The following EMID1 variants were observed in gnomAD, a reference collection of about 807,000 sequenced individuals.
EMID1 encodes EMI domain-containing protein 1.
A neutral mutation model predicts 60.6 loss-of-function variants in EMID1; 40 were observed. That is an observed-to-expected ratio of 0.66 (90% confidence interval 0.51 to 0.86). The LOEUF is 0.86. Ranked by LOEUF, EMID1 falls within the 40% of genes least tolerant of loss-of-function variation. The pLI, the probability that EMID1 is intolerant of heterozygous loss-of-function variation, is 0.00. For synonymous variants in EMID1, 242 were observed against 231.0 expected, an observed-to-expected ratio of 1.05 and a Z score of -0.43; for missense variants, 585 against 597.1, an observed-to-expected ratio of 0.98 and a Z score of 0.21.
intron 13 of EMID1, 142 bp downstream of exon 13, chr22:29,243,631 T>G: frequency 2.0e-6 from 2 of 1,014,406 alleles, no homozygotes; most frequent in Non-Finnish European, 3.0e-6. Context: ...GCAGGAGCCT[T>G]GGCAATTATC....
Position 29,234,294 on chromosome 22 carries a change from C to G in EMID1, c.1030-11C>G, listed in dbSNP as rs1292852019. 6 of 1,613,828 alleles carry G rather than the reference C, an allele frequency of 3.7e-6. No individual in the cohort carries two copies. The highest frequency in any genetic ancestry group is 1.3e-5 in the African/African-American group (1 of 74,936). On this transcript the variant is annotated splice_polypyrimidine_tract_variant and intron_variant, in intron 11 of 14. Transcript: ENST00000334018. ...ACAGCTGACGCCATTCGTCTCCTCCCTCTTACACAGGGACTGCGTGGGGAG... is the reference window on the plus strand; with the variant it reads ...ACAGCTGACGCCATTCGTCTCCTCCGTCTTACACAGGGACTGCGTGGGGAG...
intron 3 of EMID1, among the ~76,000 whole-genome samples, chr22:29,215,915 G>A (rs940429912): frequency 1.3e-5 from 2 of 152,138 alleles, no homozygotes; most frequent in Admixed American, 1.3e-4. Context: ...CTCCACACTC[G>A]GGGAAAACCC....
At chr22:29,249,094 C>T (rs554721589) in intron 13 of EMID1, among the ~76,000 whole-genome samples, 3 of 152,188 alleles carry the variant, frequency 2.0e-5, no homozygotes, top group South Asian at 2.1e-4. Context: ...CAGTGTGCAC[C>T]GTGAATGAAT....
intron 1 of EMID1, among the ~76,000 whole-genome samples, chr22:29,207,964 G>T (rs2039737557): frequency 6.6e-6 from 1 of 152,204 alleles, no homozygotes; most frequent in African/African-American, 2.4e-5. Context: ...GCTCTTACAG[G>T]CTTGATGTGT....
At position 29,225,207 on chromosome 22, in the gene EMID1, G is replaced by T. The variant is rs1298012455; in HGVS notation, c.394G>T (p.Ala132Ser). 1 of 1,613,724 alleles carries T rather than the reference G, an allele frequency of 6.2e-7. No individual in the cohort carries two copies. Among genetic ancestry groups the T allele is most frequent in the African/African-American group, 1.3e-5 (1 of 75,062 alleles). Reference protein sequence around the residue: ...TMRRMALRPTAFSGCLNCSKV... With the variant: ...TMRRMALRPTSFSGCLNCSKV... ...GCGGCGGATGGCGCTTCGGCCCACA[G>T]CCTTCTCAGGTGGGTCCTGGGATAG... The change falls in exon 4 of 15, where the codon GCC (alanine) becomes TCC (serine). Residue 132 changes from alanine (A) to serine (S), a missense_variant. Coordinates refer to ENST00000334018, the MANE Select transcript of EMID1 (RefSeq NM_133455.4).
intron 12 of EMID1, among the ~76,000 whole-genome samples, chr22:29,238,243 G>T (rs1382054663): frequency 7.9e-6 from 1 of 127,206 alleles, no homozygotes; most frequent in Admixed American, 8.1e-5. Flanking sequence ...ATTCTCTGAA[G>T]TTTTTCTAAA....
intron 3 of EMID1, among the ~76,000 whole-genome samples, chr22:29,224,440 C>T (rs866278030): frequency 1.3e-5 from 2 of 152,158 alleles, no homozygotes; most frequent in African/African-American, 4.8e-5. Flanking sequence ...AAAACCAGAC[C>T]AGCCAGGGCG....
intron 12 of EMID1, among the ~76,000 whole-genome samples, chr22:29,237,813 CA>C (rs1396989508): frequency 7.0e-6 from 1 of 142,822 alleles, no homozygotes; most frequent in South Asian, 2.3e-4. Flanking sequence ...AAAAAACAAA[CA>C]AAAAAAATCT....
chr22:29,214,788 T>C (rs1335227893), intron 1 of EMID1, 138 bp from the exon 2 acceptor site: 1 of 542,338 alleles, frequency 1.8e-6, no homozygotes, highest in Non-Finnish European at 3.1e-6. Flanking sequence ...CCAAATGACT[T>C]TGCAAGCTCA....
chr22:29,255,776 A>G (rs1348279291), intron 14 of EMID1, among the ~76,000 whole-genome samples: 1 of 152,122 alleles, frequency 6.6e-6, no homozygotes, highest in African/African-American at 2.4e-5. Context: ...GTCTTCCTGG[A>G]GGAGGTGATA....
Position 29,226,562 on chromosome 22 carries a change from A to C in EMID1, c.465+11A>C. 2.5e-6 allele frequency: 4 copies of C among 1,610,314 alleles called. No homozygotes were observed. Among genetic ancestry groups the C allele is most frequent in the Non-Finnish European group, 3.4e-6 (4 of 1,178,482 alleles). On this transcript the variant is annotated intron_variant, in intron 5 of 14. Transcript: ENST00000334018. ...GTGCTGGAGGCCAAGGTGGGTGAGCAGCTCCCTCCTGGGTGGTTGTTCCCT... is the reference window on the plus strand; with the variant it reads ...GTGCTGGAGGCCAAGGTGGGTGAGCCGCTCCCTCCTGGGTGGTTGTTCCCT...
chr22:29,241,139 CTGGT>C (rs1568997386), intron 12 of EMID1, among the ~76,000 whole-genome samples: 6 of 152,102 alleles, frequency 3.9e-5, no homozygotes, highest in African/African-American at 1.2e-4. Flanking sequence ...AACCCTAAGA[CTGGT>C]CTACACTGAG....
At chr22:29,231,851 C>T (rs1426756632) in intron 7 of EMID1, 169 bp downstream of exon 7, 8 of 631,194 alleles carry the variant, frequency 1.3e-5, no homozygotes, top group Non-Finnish European at 2.1e-5. Flanking sequence ...TCCATGAAGT[C>T]CTCTCTTATG....
Position 29,259,033 on chromosome 22 carries a change from T to A in EMID1, c.*89T>A. The A allele has an allele frequency of 2.6e-6, 4 of 1,527,304 alleles. No individual in the cohort carries two copies. Among genetic ancestry groups the A allele is most frequent in the Non-Finnish European group, 3.5e-6 (4 of 1,138,446 alleles). 94.6% of individuals were successfully genotyped at this position (1,527,304 alleles called of 1,614,324 possible). A position where few individuals can be genotyped will look rare whatever the true frequency, so the allele number is the denominator to read the frequency against. On this transcript the variant is annotated 3_prime_UTR_variant, in exon 15 of 15. Coordinates refer to ENST00000334018, the MANE Select transcript of EMID1 (RefSeq NM_133455.4). ...TGCCTCCAGGGACCGCCCGTCCATATTTATTAATGTCCTCAGGGTCCCTTC... is the reference window on the plus strand; with the variant it reads ...TGCCTCCAGGGACCGCCCGTCCATAATTATTAATGTCCTCAGGGTCCCTTC...
intron 13 of EMID1, among the ~76,000 whole-genome samples, 189 bp downstream of exon 13, chr22:29,243,678 C>T (rs1009413542): frequency 2.0e-5 from 3 of 152,240 alleles, no homozygotes; most frequent in Admixed American, 1.3e-4. Flanking sequence ...TGCTCCCAAC[C>T]GGGCAGGGCC....
chr22:29,241,949 C>T (rs2041168864), intron 12 of EMID1, among the ~76,000 whole-genome samples: 1 of 152,050 alleles, frequency 6.6e-6, no homozygotes, highest in Non-Finnish European at 1.5e-5. Flanking sequence ...CTTGCTCTGT[C>T]ACCCAGGCTG....
chr22:29,251,468 C>G (rs1397415947), intron 13 of EMID1, among the ~76,000 whole-genome samples: 2 of 150,742 alleles, frequency 1.3e-5, no homozygotes, highest in African/African-American at 4.9e-5. Context: ...ACTTAAAGTG[C>G]TGGGATTACA....
chr22:29,225,270 G>T, intron 4 of EMID1, 54 bp downstream of exon 4: 2 of 1,584,800 alleles, frequency 1.3e-6, no homozygotes, highest in South Asian at 2.2e-5. Context: ...AGCCCTGGAG[G>T]GGGCTCAGGG....
intron 12 of EMID1, among the ~76,000 whole-genome samples, chr22:29,236,805 T>C (rs573281179): frequency 2.0e-5 from 3 of 152,100 alleles, no homozygotes; most frequent in South Asian, 2.1e-4. Context: ...TCTTTTTTTT[T>C]TTATTTTTTG....
Sources: gnomAD v4.1 joint callset for allele counts (sites outside exome capture counted in the v4.1 genomes callset) on GRCh38, gnomAD v4.1.1 for gene constraint, MANE v1.5 for transcripts, NCBI Gene and HGNC (gene_info 2026-07-23, HGNC 2026-07-21) for gene names.